The following TBX15 variants were observed in gnomAD, a reference collection of about 807,000 sequenced individuals.
TBX15 encodes the protein T-box transcription factor TBX15.
In TBX15, 18 loss-of-function variants were observed where a neutral mutation model predicts 53.9. That is an observed-to-expected ratio of 0.33 (90% CI 0.23 to 0.49). The LOEUF is 0.49. TBX15 is among the 20% of genes least tolerant of loss of function. TBX15 has a pLI of 0.98. For missense variants in TBX15, 692 were observed against 749.5 expected, an observed-to-expected ratio of 0.92 and a Z score of 0.90; for synonymous variants, 295 against 278.0, an observed-to-expected ratio of 1.06 and a Z score of -0.61.
chr1:118,934,910 A>ACTTTTTTTTTTTAAG (rs1655914887), intron 1 of TBX15, among the ~76,000 whole-genome samples: 1 of 152,212 alleles, frequency 6.6e-6, no homozygotes, highest in Non-Finnish European at 1.5e-5. Context: ...ACAAAACAGG[A>ACTTTTTTTTTTTAAG]TCCAGTGACT....
rs866390207 is a variant in TBX15 at position 118,895,162 on chromosome 1, A to G, written c.1024+3866T>C. Among the ~76,000 whole-genome samples the G allele has an allele frequency of 2.8e-4, 43 of 152,312 alleles. No individual in the cohort carries two copies. The Middle Eastern group carries it at 0.024, about 84-fold the overall frequency. On this transcript the variant is annotated intron_variant, in intron 7 of 7. Coordinates refer to ENST00000369429, the MANE Select transcript of TBX15 (RefSeq NM_001330677.2). ...TACAAGTCAAACTGATGAAAATTCA[A>G]TCATCAACAGAGACCCTCATAATCC...
At chr1:118,894,964 A>G (rs1654371921) in intron 7 of TBX15, among the ~76,000 whole-genome samples, 1 of 152,200 alleles carries the variant, frequency 6.6e-6, no homozygotes, top group African/African-American at 2.4e-5. Flanking sequence ...ACGTATGGGC[A>G]TTATTCCTCA....
intron 7 of TBX15, among the ~76,000 whole-genome samples, chr1:118,897,485 G>A (rs1438264768): frequency 6.6e-6 from 1 of 152,160 alleles, no homozygotes; most frequent in Non-Finnish European, 1.5e-5. Context: ...GCTTGGAAAG[G>A]CAATGAGTAA....
At chr1:118,958,847 A>T (rs202056938) in intron 1 of TBX15, among the ~76,000 whole-genome samples, 2 of 152,324 alleles carry the variant, frequency 1.3e-5, no homozygotes, top group East Asian at 3.9e-4. Flanking sequence ...AATATTAAAC[A>T]GCTGTTTCAC....
intron 5 of TBX15, among the ~76,000 whole-genome samples, chr1:118,921,299 T>C (rs1306136203): frequency 6.6e-6 from 1 of 152,202 alleles, no homozygotes; most frequent in Non-Finnish European, 1.5e-5. Flanking sequence ...AAGTGTAGAC[T>C]TACTAAAAAT....
intron 7 of TBX15, among the ~76,000 whole-genome samples, chr1:118,896,013 A>T (rs1471904475): frequency 6.6e-6 from 1 of 152,226 alleles, no homozygotes; most frequent in Non-Finnish European, 1.5e-5. Context: ...CAAGGGCTGC[A>T]TGCAGCCAAG....
At chr1:118,939,429 A>AAAAAC (rs1656085288) in intron 1 of TBX15, among the ~76,000 whole-genome samples, 2 of 100,932 alleles carry the variant, frequency 2.0e-5, no homozygotes, top group Admixed American at 1.8e-4. Context: ...AAAAAAAAAA[A>AAAAAC]AAAAAAACAA....
At chr1:118,967,939 C>G (rs4659136) in intron 1 of TBX15, among the ~76,000 whole-genome samples, 27,339 of 152,166 alleles carry the variant, frequency 0.18, 3,117 homozygotes, top group East Asian at 0.49. Context: ...TTACTTACTC[C>G]TCTCACGTTA....
chr1:118,984,766 G>C (rs1657773877), intron 1 of TBX15, among the ~76,000 whole-genome samples: 1 of 152,198 alleles, frequency 6.6e-6, no homozygotes, highest in African/African-American at 2.4e-5. Context: ...GGGCCACCAG[G>C]CTCGGTGGAA....
chr1:118,979,554 T>TCC (rs1657570803), intron 1 of TBX15, among the ~76,000 whole-genome samples: 1 of 152,214 alleles, frequency 6.6e-6, no homozygotes, highest in Non-Finnish European at 1.5e-5. Context: ...AAGCTCGAAC[T>TCC]CCCCTCAGGG....
In TBX15 at chr1:118,885,121, T is replaced by C. The variant is rs949115239; in HGVS notation, c.1420A>G (p.Thr474Ala). The change falls in exon 8 of 8, where the codon ACT (threonine) becomes GCT (alanine). Residue 474 changes from threonine (T) to alanine (A), a missense_variant. Transcript: ENST00000369429. Reference sequence around the variant, plus strand: ...TGCATGACATACTGAAACTGGGAAGTGGGAAAGGACCCCAGCTGGCCACCG... The same window carrying C: ...TGCATGACATACTGAAACTGGGAAGCGGGAAAGGACCCCAGCTGGCCACCG... ...AYGGQLGSFP[T>A]SQFQYVMQAG... The C allele has an allele frequency of 1.2e-6, 2 of 1,614,076 alleles. No individual in the cohort carries two copies. Among genetic ancestry groups the C allele is most frequent in the Non-Finnish European group, 8.5e-7 (1 of 1,180,012 alleles).
At chr1:118,917,444 A>G (rs1655276702) in intron 5 of TBX15, among the ~76,000 whole-genome samples, 1 of 152,168 alleles carries the variant, frequency 6.6e-6, no homozygotes, top group South Asian at 2.1e-4. Flanking sequence ...GAGCATCAGG[A>G]TAAATAGCTA....
chr1:118,910,346 C>T (rs923140580), intron 6 of TBX15, among the ~76,000 whole-genome samples: 3 of 152,158 alleles, frequency 2.0e-5, no homozygotes, highest in African/African-American at 7.2e-5. Flanking sequence ...AACCATGCTC[C>T]TCTGCATGAG....
At chr1:118,947,409 T>TC (rs971859988) in intron 1 of TBX15, among the ~76,000 whole-genome samples, 16 of 152,298 alleles carry the variant, frequency 1.1e-4, no homozygotes, top group Non-Finnish European at 1.8e-4. Context: ...GGATTCAGAA[T>TC]CAGAAGGTAG....
intron 1 of TBX15, among the ~76,000 whole-genome samples, chr1:118,955,466 G>T (rs1233877447): frequency 6.6e-6 from 1 of 152,242 alleles, no homozygotes; most frequent in African/African-American, 2.4e-5. Context: ...ATGAATAATG[G>T]GGGATGCTAA....
At chr1:118,938,708 G>A (rs1334031954) in intron 1 of TBX15, among the ~76,000 whole-genome samples, 1 of 152,110 alleles carries the variant, frequency 6.6e-6, no homozygotes, top group African/African-American at 2.4e-5. Flanking sequence ...GTGTGAGATA[G>A]TACCTCATTG....
chr1:118,952,568 T>G (rs1262163563), intron 1 of TBX15, among the ~76,000 whole-genome samples: 2 of 152,160 alleles, frequency 1.3e-5, no homozygotes, highest in African/African-American at 4.8e-5. Flanking sequence ...TTATAAGACA[T>G]TTTACAATCC....
chr1:118,886,620 AC>A (rs1434108993), intron 7 of TBX15, among the ~76,000 whole-genome samples: 2 of 152,210 alleles, frequency 1.3e-5, no homozygotes, highest in Non-Finnish European at 2.9e-5. Context: ...TGGCTTAAGA[AC>A]CAATCATACA....
intron 1 of TBX15, among the ~76,000 whole-genome samples, chr1:118,945,876 A>AT (rs1430391412): frequency 6.6e-6 from 1 of 152,102 alleles, no homozygotes; most frequent in Non-Finnish European, 1.5e-5. Flanking sequence ...TGTGGAAGTA[A>AT]TTTTTTCCAA....
Sources: allele counts gnomAD v4.1 joint callset (sites outside exome capture counted in the v4.1 genomes callset), GRCh38; gene constraint gnomAD v4.1.1; transcripts MANE v1.5; gene names NCBI Gene and HGNC (gene_info 2026-07-23, HGNC 2026-07-21).